MYLK: variants seen among roughly 807,000 people sequenced by gnomAD.
The protein encoded by MYLK is myosin light chain kinase.
Under a neutral mutation model 203.4 loss-of-function variants are expected in MYLK, and 106 were observed. That is an observed-to-expected ratio of 0.52 (90% CI 0.45 to 0.61). The LOEUF (loss-of-function observed/expected upper bound fraction) is 0.61. MYLK is among the 20% of genes least tolerant of loss of function. The pLI is 0.00. For synonymous variants in MYLK, 867 were observed against 959.5 expected, an observed-to-expected ratio of 0.90 and a Z score of 1.78; for missense variants, 2,072 against 2,442.3, an observed-to-expected ratio of 0.85 and a Z score of 3.20.
intron 5 of MYLK, among the ~76,000 whole-genome samples, chr3:123,751,785 A>G (rs891469526): frequency 6.6e-6 from 1 of 152,136 alleles, no homozygotes; most frequent in African/African-American, 2.4e-5. Flanking sequence ...GGAGAGTCAT[A>G]GGGCTGGGAT....
At chr3:123,645,473 G>A (rs571360058) in intron 27 of MYLK, among the ~76,000 whole-genome samples, 3 of 152,266 alleles carry the variant, frequency 2.0e-5, no homozygotes, top group Admixed American at 6.5e-5. Flanking sequence ...TCCTGGGAGA[G>A]AATTCCAAGA....
chr3:123,697,669 T>C (rs1441778767), intron 18 of MYLK, among the ~76,000 whole-genome samples: 1 of 152,194 alleles, frequency 6.6e-6, no homozygotes, highest in South Asian at 2.1e-4. Context: ...GAGGATTAAA[T>C]GGGTGAAAAG....
chr3:123,808,847 A>G (rs565163055), intron 3 of MYLK, among the ~76,000 whole-genome samples: 1 of 152,374 alleles, frequency 6.6e-6, no homozygotes, highest in Non-Finnish European at 1.5e-5. Context: ...TTTTAAAGAT[A>G]AAGGAAGCAC....
chr3:123,735,354 C>T (rs1366500409), intron 9 of MYLK, 44 bp downstream of exon 9: 3 of 1,612,250 alleles, frequency 1.9e-6, no homozygotes, highest in Non-Finnish European at 2.5e-6. Context: ...CCTTGCAGGG[C>T]ATTTCAAGAG....
intron 8 of MYLK, chr3:123,735,714 A>C: frequency 2.6e-6 from 1 of 386,454 alleles, no homozygotes; most frequent in Non-Finnish European, 4.8e-6. Flanking sequence ...ACAAACAAAC[A>C]TCTACTGAAA....
intron 13 of MYLK, among the ~76,000 whole-genome samples, chr3:123,713,201 G>C (rs1437403492): frequency 6.6e-6 from 1 of 152,148 alleles, no homozygotes; most frequent in African/African-American, 2.4e-5. Flanking sequence ...CCTACAGCAA[G>C]AAAGAAGGGA....
intron 2 of MYLK, among the ~76,000 whole-genome samples, chr3:123,864,839 G>A (rs952451929): frequency 7.2e-5 from 11 of 152,136 alleles, no homozygotes; most frequent in African/African-American, 2.4e-4. Context: ...CCAGGAGTTC[G>A]AGACTGCAAC....
At chr3:123,633,993 G>A (rs1357489037) in intron 29 of MYLK, among the ~76,000 whole-genome samples, 1 of 152,134 alleles carries the variant, frequency 6.6e-6, no homozygotes, top group East Asian at 1.9e-4. Context: ...TCTGTGTTGT[G>A]TTTCAAGCAG....
At chr3:123,636,636 G>C (rs1439184007) in intron 29 of MYLK, among the ~76,000 whole-genome samples, 1 of 152,168 alleles carries the variant, frequency 6.6e-6, no homozygotes, top group Admixed American at 6.5e-5. Context: ...GGCTGGCCCC[G>C]CCCCCTACCC....
At chr3:123,742,329 C>T (rs1019325423) in intron 5 of MYLK, among the ~76,000 whole-genome samples, 23 of 152,086 alleles carry the variant, frequency 1.5e-4, no homozygotes, top group Non-Finnish European at 2.2e-4. Flanking sequence ...TACAAAATTA[C>T]CTATTTAATG....
At chr3:123,696,459 G>A (rs553905494) in intron 18 of MYLK, among the ~76,000 whole-genome samples, 2 of 152,082 alleles carry the variant, frequency 1.3e-5, no homozygotes, top group South Asian at 4.2e-4. Context: ...CAGGACGGGA[G>A]GCCAGCGGAG....
intron 11 of MYLK, among the ~76,000 whole-genome samples, chr3:123,726,692 A>T (rs1415033230): frequency 6.6e-6 from 1 of 152,168 alleles, no homozygotes; most frequent in Admixed American, 6.5e-5. Flanking sequence ...ATATGCAGTA[A>T]TGATGCCCTT....
At chr3:123,747,508 C>A (rs2063057562) in intron 5 of MYLK, among the ~76,000 whole-genome samples, 1 of 152,206 alleles carries the variant, frequency 6.6e-6, no homozygotes, top group Non-Finnish European at 1.5e-5. Context: ...CTGATGCATG[C>A]TCAAGTTTGA....
chr3:123,871,359 C>A (rs1283029165), intron 2 of MYLK, among the ~76,000 whole-genome samples: 1 of 152,102 alleles, frequency 6.6e-6, no homozygotes, highest in African/African-American at 2.4e-5. Context: ...AAACAAAAAA[C>A]ATTGAGAAAA....
chr3:123,770,858 T>C (rs1490584596), intron 4 of MYLK, among the ~76,000 whole-genome samples: 1 of 152,170 alleles, frequency 6.6e-6, no homozygotes, highest in African/African-American at 2.4e-5. Flanking sequence ...TTTAGGTTCA[T>C]ATAAGTAAGA....
chr3:123,639,983 C>T (rs2058774628), intron 28 of MYLK, among the ~76,000 whole-genome samples: 1 of 152,146 alleles, frequency 6.6e-6, no homozygotes, highest in South Asian at 2.1e-4. Flanking sequence ...ATCATATATA[C>T]AGCTAACACC....
At chr3:123,651,432 G>A (rs1332479242) in intron 24 of MYLK, among the ~76,000 whole-genome samples, 1 of 152,176 alleles carries the variant, frequency 6.6e-6, no homozygotes, top group Non-Finnish European at 1.5e-5. Flanking sequence ...CCAGTCACTG[G>A]ACTAGGTCTT....
At chr3:123,657,655 CTTT>C (rs1304512740) in intron 23 of MYLK, among the ~76,000 whole-genome samples, 1 of 151,898 alleles carries the variant, frequency 6.6e-6, no homozygotes, top group Non-Finnish European at 1.5e-5. Context: ...GGCCCCCTCG[CTTT>C]TTTTTGCTAG....
chr3:123,775,753 G>C (rs1169303002), intron 4 of MYLK, among the ~76,000 whole-genome samples: 1 of 152,194 alleles, frequency 6.6e-6, no homozygotes, highest in Non-Finnish European at 1.5e-5. Flanking sequence ...GACCCTGTGT[G>C]GCTGGAAGAG....
Sources: gnomAD v4.1 joint callset for allele counts (sites outside exome capture counted in the v4.1 genomes callset) on GRCh38, gnomAD v4.1.1 for gene constraint, MANE v1.5 for transcripts, NCBI Gene and HGNC (gene_info 2026-07-23, HGNC 2026-07-21) for gene names.